Variants in TMEM65 observed in about 807,000 individuals in gnomAD.
The protein encoded by TMEM65 is transmembrane protein 65.
A neutral mutation model predicts 25.4 loss-of-function variants in TMEM65; 22 were observed. The ratio of observed to expected loss-of-function variants is 0.86; its 90% CI spans 0.62 to 1.23. The LOEUF is 1.23. Among genes scored for constraint, TMEM65 ranks in the 50% most tolerant of loss-of-function variants. TMEM65 has a pLI of 0.00. For synonymous variants in TMEM65, 132 were observed against 126.2 expected (o/e 1.05, Z -0.31); for missense variants, 262 against 308.2 (o/e 0.85, Z 1.12).
chr8:124,325,228 C>T (rs1045946321), intron 3 of TMEM65, among the ~76,000 whole-genome samples: 1 of 151,904 alleles, frequency 6.6e-6, no homozygotes, highest in African/African-American at 2.4e-5. Flanking sequence ...ACTATCTCCT[C>T]AACTTACTAT....
At chr8:124,322,823 C>T (rs777768397) in intron 4 of TMEM65, among the ~76,000 whole-genome samples, 18 of 151,994 alleles carry the variant, frequency 1.2e-4, no homozygotes, top group African/African-American at 3.6e-4. Flanking sequence ...TGGTGAAACC[C>T]CGTCTCTACT....
At chr8:124,320,241 C>A in intron 5 of TMEM65, 50 bp from the exon 6 acceptor site, 1 of 1,428,164 alleles carries the variant, frequency 7.0e-7, no homozygotes, top group Non-Finnish European at 9.6e-7. Flanking sequence ...TCAATAAAGC[C>A]TTTACAAAAG....
intron 3 of TMEM65, among the ~76,000 whole-genome samples, chr8:124,326,666 T>C (rs950232535): frequency 4.6e-5 from 7 of 152,040 alleles, no homozygotes; most frequent in Non-Finnish European, 8.8e-5. Context: ...CACTGGGCAG[T>C]TTTTGAAGAC....
At chr8:124,356,324 G>C (rs1814780441) in intron 1 of TMEM65, among the ~76,000 whole-genome samples, 1 of 152,104 alleles carries the variant, frequency 6.6e-6, no homozygotes, top group Non-Finnish European at 1.5e-5. Flanking sequence ...AAATTTGTAG[G>C]CCATTTCTCT....
intron 5 of TMEM65, among the ~76,000 whole-genome samples, chr8:124,321,485 A>C (rs1435341750): frequency 6.6e-6 from 1 of 152,140 alleles, no homozygotes; most frequent in African/African-American, 2.4e-5. Context: ...AAAGAGAGAG[A>C]GAAAGCTGGC....
chr8:124,329,222 T>C (rs1814403478), intron 2 of TMEM65, among the ~76,000 whole-genome samples: 1 of 152,026 alleles, frequency 6.6e-6, no homozygotes, highest in East Asian at 1.9e-4. Context: ...CCTTAGTTTT[T>C]TCACTTATTG....
chr8:124,342,368 T>C (rs1460499609), intron 1 of TMEM65, among the ~76,000 whole-genome samples: 1 of 152,120 alleles, frequency 6.6e-6, no homozygotes, highest in East Asian at 1.9e-4. Context: ...AAGAAACTCA[T>C]TGGTTCATAA....
At chr8:124,367,609 T>A (rs1814955315) in intron 1 of TMEM65, among the ~76,000 whole-genome samples, 1 of 152,244 alleles carries the variant, frequency 6.6e-6, no homozygotes, top group South Asian at 2.1e-4. Flanking sequence ...AAAGCCTAAT[T>A]TATTTTTAAG....
intron 5 of TMEM65, among the ~76,000 whole-genome samples, chr8:124,320,876 C>A (rs1814296071): frequency 6.6e-6 from 1 of 152,018 alleles, no homozygotes; most frequent in African/African-American, 2.4e-5. Flanking sequence ...GAATGATACC[C>A]CCCAAAAGAG....
In TMEM65 at chr8:124,313,974, C is replaced by T; in HGVS notation, c.709G>A (p.Glu237Lys). ...FGGGEEDEKL[E>K]TKS ...TTCTAAGAGGATTAACTTTTCGTTT[C>T]CAGTTTTTCATCTTCTTCACCTCCT... The change falls in exon 7 of 7, where the codon GAA (glutamate) becomes AAA (lysine). Residue 237 changes from glutamate (E) to lysine (K), a missense_variant. Glu to Lys is a moderately conservative substitution (Grantham distance 56). Coordinates refer to ENST00000297632, the MANE Select transcript of TMEM65 (RefSeq NM_194291.3). 9 of 1,612,608 alleles carry T rather than the reference C, an allele frequency of 5.6e-6. No homozygotes were observed. Among genetic ancestry groups the T allele is most frequent in the Non-Finnish European group, 7.6e-6 (9 of 1,179,068 alleles).
At position 124,310,114 on chromosome 8, in the gene TMEM65, C is replaced by A. The variant is rs549440785; in HGVS notation, c.*3846G>T. ...CAGAGGTTGCAATAAGCCAAGATCACGCCACTGCACTCCAGCCTGGGTGAC... is the reference window on the plus strand; with the variant it reads ...CAGAGGTTGCAATAAGCCAAGATCAAGCCACTGCACTCCAGCCTGGGTGAC... On this transcript the variant is annotated 3_prime_UTR_variant, in exon 7 of 7. Coordinates refer to ENST00000297632, the MANE Select transcript of TMEM65 (RefSeq NM_194291.3). 49 of 152,398 alleles carry A rather than the reference C, an allele frequency of 3.2e-4. No homozygotes were observed. The highest frequency in any genetic ancestry group is 1.1e-3 in the African/African-American group (47 of 41,508). The allele number at this position is 152,398 out of a possible 1,614,324, so 9.4% of individuals were successfully genotyped here.
At chr8:124,363,298 T>C (rs937518337) in intron 1 of TMEM65, among the ~76,000 whole-genome samples, 6 of 152,222 alleles carry the variant, frequency 3.9e-5, no homozygotes, top group Non-Finnish European at 7.3e-5. Context: ...GATATGTTAC[T>C]AATATATAGT....
At chr8:124,339,424 A>G (rs548498618) in intron 1 of TMEM65, among the ~76,000 whole-genome samples, 2 of 151,224 alleles carry the variant, frequency 1.3e-5, no homozygotes, top group South Asian at 4.2e-4. Context: ...GTCTGCCCAC[A>G]TTGCTGGATG....
chr8:124,345,504 A>G (rs1176254674), intron 1 of TMEM65, among the ~76,000 whole-genome samples: 3 of 152,218 alleles, frequency 2.0e-5, no homozygotes, highest in African/African-American at 7.2e-5. Flanking sequence ...TAGTTTCTAC[A>G]TTTTAGCCTC....
At chr8:124,354,129 C>T (rs1586470753) in intron 1 of TMEM65, among the ~76,000 whole-genome samples, 1 of 152,046 alleles carries the variant, frequency 6.6e-6, no homozygotes, top group Non-Finnish European at 1.5e-5. Flanking sequence ...AGACGTGCTA[C>T]AAAAAACCCA....
intron 1 of TMEM65, among the ~76,000 whole-genome samples, chr8:124,343,955 T>C (rs1429712636): frequency 1.3e-5 from 2 of 152,236 alleles, no homozygotes; most frequent in Non-Finnish European, 2.9e-5. Context: ...TTTGACAGTT[T>C]ATAGGCAAAT....
At chr8:124,318,859 T>C (rs555667369) in intron 6 of TMEM65, among the ~76,000 whole-genome samples, 31 of 152,332 alleles carry the variant, frequency 2.0e-4, no homozygotes, top group African/African-American at 7.5e-4. Flanking sequence ...AGGCCTACAG[T>C]GACTCTCCTA....
intron 1 of TMEM65, among the ~76,000 whole-genome samples, chr8:124,356,704 C>CT (rs1225762365): frequency 6.6e-6 from 1 of 151,982 alleles, no homozygotes; most frequent in Non-Finnish European, 1.5e-5. Flanking sequence ...TCAGATCACT[C>CT]TTTTTTTATT....
Position 124,372,680 on chromosome 8 carries a change from T to C in TMEM65, c.-523A>G, listed in dbSNP as rs1021868743. On this transcript the variant is annotated 5_prime_UTR_variant, in exon 1 of 7. Transcript: ENST00000297632. The stretch of plus-strand genomic sequence containing the variant: ...GAGCCGCAGCCGCCGCCGCCGCCGC[T>C]ACCCCTAGCGGCAGCAGAAGTGGGA... 5 of 151,754 alleles carry C rather than the reference T, an allele frequency of 3.3e-5. No homozygotes were observed. Among genetic ancestry groups the C allele is most frequent in the South Asian group, 1.6e-4 (1 of 6,126 alleles). The allele number at this position is 151,754 out of a possible 1,614,324, so 9.4% of individuals were successfully genotyped here.
Sources: allele counts gnomAD v4.1 joint callset (sites outside exome capture counted in the v4.1 genomes callset), GRCh38; gene constraint gnomAD v4.1.1; transcripts MANE v1.5; gene names NCBI Gene and HGNC (gene_info 2026-07-23, HGNC 2026-07-21).